SCUBE1: variants seen among roughly 807,000 people sequenced by gnomAD.
SCUBE1 encodes signal peptide, CUB domain and EGF like domain containing 1, also known as signal peptide, CUB and EGF-like domain-containing protein 1.
SCUBE1 carries 59 observed loss-of-function variants against 124.4 expected under a neutral mutation model. The ratio of observed to expected loss-of-function variants is 0.47; its 90% CI spans 0.38 to 0.59. SCUBE1 has a LOEUF of 0.59. Among genes scored for constraint, SCUBE1 ranks in the 20% least tolerant of loss-of-function variants. The pLI is 0.00. For missense variants in SCUBE1, 1,150 were observed against 1,371.2 expected, an observed-to-expected ratio of 0.84 and a Z score of 2.55; for synonymous variants, 545 against 550.9, an observed-to-expected ratio of 0.99 and a Z score of 0.15.
rs1428163198 is a variant in SCUBE1, at chr22:43,200,154, G to A, written c.*3843C>T. The A allele has an allele frequency of 6.6e-6, 1 of 152,238 alleles. No homozygotes were observed. Among genetic ancestry groups the A allele is most frequent in the Non-Finnish European group, 1.5e-5 (1 of 68,074 alleles). The allele number at this position is 152,238 out of a possible 1,614,324, so 9.4% of individuals were successfully genotyped here. ...TCCCTGGGGTGCCATGCTCCATTAG[G>A]AGCTGACCCAAGCTCAGAGGAGCCT... is the stretch of plus-strand genomic sequence containing the variant. On this transcript the variant is annotated 3_prime_UTR_variant, in exon 22 of 22. Coordinates refer to ENST00000360835, the MANE Select transcript of SCUBE1 (RefSeq NM_173050.5).
chr22:43,306,149 G>A (rs1465103393), intron 3 of SCUBE1, among the ~76,000 whole-genome samples: 1 of 152,164 alleles, frequency 6.6e-6, no homozygotes, highest in African/African-American at 2.4e-5. Flanking sequence ...CAAGGTAAGC[G>A]AGACTATTGA....
chr22:43,343,123 GC>G, intron 1 of SCUBE1, 50 bp downstream of exon 1: 1 of 970,896 alleles, frequency 1.0e-6, no homozygotes, highest in Non-Finnish European at 1.3e-6. Context: ...CCGCGCCTCG[GC>G]CGCCCGAGCC....
chr22:43,260,995 C>T (rs1923850746), intron 5 of SCUBE1, among the ~76,000 whole-genome samples: 1 of 152,240 alleles, frequency 6.6e-6, no homozygotes, highest in South Asian at 2.1e-4. Context: ...GCAGCCTCTC[C>T]CTGGCACTGG....
intron 3 of SCUBE1, among the ~76,000 whole-genome samples, chr22:43,300,473 G>C (rs1925729990): frequency 6.6e-6 from 1 of 151,990 alleles, no homozygotes; most frequent in Non-Finnish European, 1.5e-5. Flanking sequence ...GTTCTCACGG[G>C]CTCTATGCTG....
At chr22:43,272,857 C>G (rs1924344621) in intron 4 of SCUBE1, among the ~76,000 whole-genome samples, 1 of 152,246 alleles carries the variant, frequency 6.6e-6, no homozygotes. Flanking sequence ...TCCATTTCCA[C>G]TGAGGAGGCT....
At position 43,203,666 on chromosome 22, in the gene SCUBE1, T is replaced by C; in HGVS notation, c.*331A>G. ...ACGCCTCCCAGAGCACAGGCCCCAC[T>C]TCCCCTCTCTCCTGAAACGCCAGGC... On this transcript the variant is annotated 3_prime_UTR_variant, in exon 22 of 22. Coordinates refer to ENST00000360835, the MANE Select transcript of SCUBE1 (RefSeq NM_173050.5). 4.3e-6 allele frequency: 1 copy of C among 234,492 alleles called. No homozygotes were observed. The highest frequency in any genetic ancestry group is 8.4e-6 in the Non-Finnish European group (1 of 119,548). 14.5% of individuals were successfully genotyped at this position (234,492 alleles called of 1,614,324 possible).
At position 43,242,767 on chromosome 22, in the gene SCUBE1, G is replaced by A. The variant is rs574815931; in HGVS notation, c.728-3813C>T. 4.6e-5 allele frequency among the ~76,000 whole-genome samples: 7 copies of A among 152,308 alleles called. No homozygotes were observed. The South Asian group carries it at 1.2e-3, about 27-fold the overall frequency. Reference sequence around the variant, plus strand: ...CTCTGTCCCCAGCCTGTAGACAAAAGCTACAGAGCTCTTGTCTAGAGGCTT... The same window carrying A: ...CTCTGTCCCCAGCCTGTAGACAAAAACTACAGAGCTCTTGTCTAGAGGCTT... On this transcript the variant is annotated intron_variant, in intron 6 of 21. Transcript: ENST00000360835.
intron 11 of SCUBE1, 105 bp downstream of exon 11, chr22:43,222,992 C>T: frequency 3.5e-6 from 5 of 1,428,890 alleles, no homozygotes; most frequent in Non-Finnish European, 4.7e-6. Flanking sequence ...GACCCTCATT[C>T]CTAGGTCAGA....
In SCUBE1 at chr22:43,202,696, C is replaced by T. The variant is rs1227166937; in HGVS notation, c.*1301G>A. On this transcript the variant is annotated 3_prime_UTR_variant, in exon 22 of 22. Transcript: ENST00000360835. ...ATGATTGTAAGTTTCCTGAGGCCTC[C>T]CAAGCCATGTGGAAATGTGAGTCAA... 2 of 152,242 alleles carry T rather than the reference C, an allele frequency of 1.3e-5. No individual in the cohort carries two copies. The highest frequency in any genetic ancestry group is 4.8e-5 in the African/African-American group (2 of 41,432). The allele number at this position is 152,242 out of a possible 1,614,324, so 9.4% of individuals were successfully genotyped here. A position where few individuals can be genotyped will look rare whatever the true frequency, so the allele number is the denominator to read the frequency against.
intron 7 of SCUBE1, among the ~76,000 whole-genome samples, chr22:43,233,965 G>A (rs1922658000): frequency 6.6e-6 from 1 of 151,756 alleles, no homozygotes; most frequent in Non-Finnish European, 1.5e-5. Flanking sequence ...CCAGACAGCA[G>A]GCTCCCATTT....
At chr22:43,314,859 A>G (rs115679272) in intron 3 of SCUBE1, among the ~76,000 whole-genome samples, 1,934 of 152,248 alleles carry the variant, frequency 0.013, 42 homozygotes, top group African/African-American at 0.044. Flanking sequence ...ATATTTGTCA[A>G]GGTAGAAGAG....
At chr22:43,215,838 T>C (rs950971143) in intron 15 of SCUBE1, among the ~76,000 whole-genome samples, 13 of 151,992 alleles carry the variant, frequency 8.6e-5, no homozygotes, top group Admixed American at 7.2e-4. Flanking sequence ...GTTGGAAGGA[T>C]TGCTGGAGCT....
intron 3 of SCUBE1, among the ~76,000 whole-genome samples, chr22:43,308,721 G>C (rs1320530155): frequency 2.6e-5 from 4 of 152,216 alleles, no homozygotes; most frequent in African/African-American, 9.6e-5. Flanking sequence ...CCAGGGTGCA[G>C]CTGGGCTCCA....
intron 5 of SCUBE1, among the ~76,000 whole-genome samples, chr22:43,262,219 G>C (rs1174432136): frequency 6.6e-6 from 1 of 152,218 alleles, no homozygotes; most frequent in African/African-American, 2.4e-5. Flanking sequence ...TGGACTCAAA[G>C]TCGGGCTAGA....
At chr22:43,214,047 G>GGGCCC in intron 16 of SCUBE1, 43 bp downstream of exon 16, 3 of 143,440 alleles carry the variant, frequency 2.1e-5, no homozygotes, top group Non-Finnish European at 2.6e-5. Context: ...AGGAGCCCCC[G>GGGCCC]CCCACCCCCC....
At chr22:43,238,999 G>T (rs1013551005) in intron 6 of SCUBE1, 45 bp from the exon 7 acceptor site, 2 of 1,483,822 alleles carry the variant, frequency 1.3e-6, no homozygotes, top group East Asian at 2.3e-5. Flanking sequence ...TTGGACAGAA[G>T]CCACTGGCTT....
intron 3 of SCUBE1, among the ~76,000 whole-genome samples, chr22:43,308,465 A>G (rs1461309674): frequency 6.6e-6 from 1 of 152,250 alleles, no homozygotes; most frequent in East Asian, 1.9e-4. Flanking sequence ...TAAGATGATC[A>G]GCATTTTTTT....
chr22:43,333,642 G>A (rs1387732336), intron 2 of SCUBE1, among the ~76,000 whole-genome samples: 1 of 152,218 alleles, frequency 6.6e-6, no homozygotes, highest in Non-Finnish European at 1.5e-5. Flanking sequence ...TTCGGGCACT[G>A]ATTAGTTGGT....
At chr22:43,316,179 G>A (rs1199346798) in intron 3 of SCUBE1, among the ~76,000 whole-genome samples, 5 of 152,172 alleles carry the variant, frequency 3.3e-5, no homozygotes, top group African/African-American at 1.2e-4. Flanking sequence ...ATCCTCACAA[G>A]AGCCCTACCA....
Sources: allele counts gnomAD v4.1 joint callset (sites outside exome capture counted in the v4.1 genomes callset), GRCh38; gene constraint gnomAD v4.1.1; transcripts MANE v1.5; gene names NCBI Gene and HGNC (gene_info 2026-07-23, HGNC 2026-07-21).